Variants in CENPW observed in about 807,000 individuals in gnomAD.
CENPW encodes the protein centromere protein W, also known as cancer-up-regulated gene 2 protein.
A neutral mutation model predicts 11.1 loss-of-function variants in CENPW; 3 were observed. The observed-to-expected ratio is 0.27, with a 90% CI of 0.12 to 0.70. The LOEUF (loss-of-function observed/expected upper bound fraction) is 0.70, where lower values mean the gene tolerates loss of function less well. Ranked by LOEUF, CENPW falls within the 30% of genes least tolerant of loss-of-function variation. The pLI is 0.77. For synonymous variants in CENPW, 38 were observed against 42.0 expected, an observed-to-expected ratio of 0.91 and a Z score of 0.37; for missense variants, 100 against 105.6, an observed-to-expected ratio of 0.95 and a Z score of 0.23.
the CENPW span, among the ~76,000 whole-genome samples, chr6:126,449,872 A>G: frequency 5.3e-5 from 8 of 151,106 alleles, no homozygotes; most frequent in Non-Finnish European, 8.9e-5. Flanking sequence ...GACCTTAGTT[A>G]AACAATAGGA....
the CENPW span, among the ~76,000 whole-genome samples, chr6:126,382,474 G>C: frequency 2.6e-5 from 4 of 151,996 alleles, no homozygotes; most frequent in Non-Finnish European, 5.9e-5. Context: ...ATAGAATTCA[G>C]AATATAGATA....
chr6:126,465,645 T>A, the CENPW span, among the ~76,000 whole-genome samples: 1 of 152,052 alleles, frequency 6.6e-6, no homozygotes, highest in Admixed American at 6.6e-5. Flanking sequence ...ATCAAAACAG[T>A]ATGTTTTTGA....
At chr6:126,410,278 G>A in the CENPW span, among the ~76,000 whole-genome samples, 1 of 152,028 alleles carries the variant, frequency 6.6e-6, no homozygotes, top group African/African-American at 2.4e-5. Context: ...TTATAATTTA[G>A]TTGGCTTTTG....
At chr6:126,416,180 A>G in the CENPW span, among the ~76,000 whole-genome samples, 1 of 152,184 alleles carries the variant, frequency 6.6e-6, no homozygotes, top group African/African-American at 2.4e-5. Context: ...CTTATGTTTT[A>G]GCAAAGAGAC....
chr6:126,473,674 A>C, the CENPW span, among the ~76,000 whole-genome samples: 1 of 151,966 alleles, frequency 6.6e-6, no homozygotes, highest in Non-Finnish European at 1.5e-5. Flanking sequence ...CGGAGGTTGC[A>C]GCGAGCCAAG....
At chr6:126,416,123 T>G in the CENPW span, among the ~76,000 whole-genome samples, 5 of 152,134 alleles carry the variant, frequency 3.3e-5, no homozygotes, top group Non-Finnish European at 5.9e-5. Context: ...TGGTCTCAGA[T>G]GGAAATGAGA....
the CENPW span, among the ~76,000 whole-genome samples, chr6:126,434,365 G>A: frequency 6.6e-6 from 1 of 151,934 alleles, no homozygotes; most frequent in African/African-American, 2.4e-5. Context: ...ATGGTCTAGA[G>A]GGTCATTTTG....
At chr6:126,469,281 A>T in the CENPW span, among the ~76,000 whole-genome samples, 3 of 152,064 alleles carry the variant, frequency 2.0e-5, no homozygotes, top group South Asian at 6.2e-4. Context: ...TGAAAGTTTA[A>T]AAGTGTCAGT....
the CENPW span, among the ~76,000 whole-genome samples, chr6:126,384,518 C>T: frequency 6.6e-6 from 1 of 152,068 alleles, no homozygotes; most frequent in Non-Finnish European, 1.5e-5. Context: ...CAAAAACAAG[C>T]AATGGGAAAA....
At chr6:126,404,537 G>C in the CENPW span, among the ~76,000 whole-genome samples, 3 of 152,058 alleles carry the variant, frequency 2.0e-5, no homozygotes, top group Admixed American at 6.6e-5. Context: ...AGTAGTGAGA[G>C]TGCTCAAACA....
the CENPW span, among the ~76,000 whole-genome samples, chr6:126,411,566 A>T: frequency 6.6e-6 from 1 of 152,072 alleles, no homozygotes; most frequent in Non-Finnish European, 1.5e-5. Flanking sequence ...TCAGGGTCAG[A>T]TGTGGACTTC....
At chr6:126,371,482 C>T in the CENPW span, among the ~76,000 whole-genome samples, 6 of 152,152 alleles carry the variant, frequency 3.9e-5, no homozygotes, top group South Asian at 2.1e-4. Context: ...CTGTTGGATT[C>T]GATTAGCTAA....
At chr6:126,421,324 C>A in the CENPW span, among the ~76,000 whole-genome samples, 2 of 152,072 alleles carry the variant, frequency 1.3e-5, no homozygotes, top group African/African-American at 4.8e-5. Flanking sequence ...ATGTAGATGA[C>A]AACGTTTCTT....
the CENPW span, among the ~76,000 whole-genome samples, chr6:126,419,779 C>T: frequency 2.6e-5 from 4 of 152,246 alleles, no homozygotes; most frequent in South Asian, 8.3e-4. Flanking sequence ...TGGTCTCTTT[C>T]TTCCAACTTA....
chr6:126,475,427 A>C, the CENPW span, among the ~76,000 whole-genome samples: 1 of 152,094 alleles, frequency 6.6e-6, no homozygotes, highest in East Asian at 1.9e-4. Flanking sequence ...TTTTTAAATA[A>C]AAAATTGTAA....
the CENPW span, among the ~76,000 whole-genome samples, chr6:126,418,080 A>G: frequency 3.0e-4 from 45 of 152,338 alleles, no homozygotes; most frequent in African/African-American, 1.0e-3. Context: ...GCTGTAATAA[A>G]AAAGATAGAC....
the CENPW span, among the ~76,000 whole-genome samples, chr6:126,356,013 T>C: frequency 2.8e-4 from 43 of 152,280 alleles, 1 homozygote; most frequent in East Asian, 4.4e-3. Context: ...GGAAAGAACA[T>C]TGCTGCATGT....
chr6:126,452,375 A>G, the CENPW span, among the ~76,000 whole-genome samples: 1 of 151,230 alleles, frequency 6.6e-6, no homozygotes, highest in South Asian at 2.1e-4. Context: ...GCAATTGCAA[A>G]CACTTCTGCA....
chr6:126,348,264 A>G (rs990352997), intron 2 of CENPW, among the ~76,000 whole-genome samples: 4 of 152,032 alleles, frequency 2.6e-5, no homozygotes, highest in African/African-American at 9.6e-5. Context: ...ATTCATTGAG[A>G]TAAGACTGTT....
Sources: allele counts gnomAD v4.1 joint callset (sites outside exome capture counted in the v4.1 genomes callset), GRCh38; gene constraint gnomAD v4.1.1; transcripts MANE v1.5; gene names NCBI Gene and HGNC (gene_info 2026-07-23, HGNC 2026-07-21).